Variants in BLZF1 observed in about 807,000 individuals in gnomAD.
BLZF1 encodes golgin-45.
A neutral mutation model predicts 43.8 loss-of-function variants in BLZF1; 39 were observed. That is an observed-to-expected ratio of 0.89 (90% CI 0.69 to 1.16). BLZF1 has a LOEUF of 1.16. Ranked by LOEUF, BLZF1 falls within the 50% of genes most tolerant of loss-of-function variation. The pLI is 0.00. For synonymous variants in BLZF1, 136 were observed against 159.4 expected (o/e 0.85, Z 1.11); for missense variants, 449 against 469.8 (o/e 0.96, Z 0.41).
chr1:169,381,169 A>T (rs1654516138), intron 5 of BLZF1, among the ~76,000 whole-genome samples: 1 of 151,982 alleles, frequency 6.6e-6, no homozygotes, highest in South Asian at 2.1e-4. Flanking sequence ...AAAAGAGAAG[A>T]TATACATTAC....
intron 5 of BLZF1, among the ~76,000 whole-genome samples, chr1:169,381,418 A>G (rs572049371): frequency 3.9e-4 from 59 of 152,254 alleles, no homozygotes; most frequent in African/African-American, 1.4e-3. Flanking sequence ...CAGTAAAGGA[A>G]ATTCCAGGTC....
intron 6 of BLZF1, among the ~76,000 whole-genome samples, chr1:169,386,535 C>G (rs1035393345): frequency 1.3e-5 from 2 of 151,740 alleles, no homozygotes; most frequent in African/African-American, 2.4e-5. Flanking sequence ...AAAAATGAGC[C>G]GGGCATGGTG....
intron 5 of BLZF1, 53 bp from the exon 6 acceptor site, chr1:169,382,009 T>C (rs926542311): frequency 7.5e-7 from 1 of 1,334,058 alleles, no homozygotes; most frequent in Non-Finnish European, 1.0e-6. Flanking sequence ...CTATTATTAA[T>C]TTTTACATTT....
chr1:169,387,281 C>T lies in BLZF1; in HGVS notation c.*99C>T. The T allele has an allele frequency of 1.9e-6, 2 of 1,076,632 alleles. No individual in the cohort carries two copies. Among genetic ancestry groups the T allele is most frequent in the Non-Finnish European group, 2.7e-6 (2 of 741,626 alleles). The allele number at this position is 1,076,632 out of a possible 1,614,324, so 66.7% of individuals were successfully genotyped here. On this transcript the variant is annotated 3_prime_UTR_variant, in exon 7 of 7. Coordinates refer to ENST00000367808, the MANE Select transcript of BLZF1 (RefSeq NM_001320973.2). Reference sequence around the variant, plus strand: ...TCTTACAATGCTAGAAATAATATCACTTCCTATTTACATAATGTATACACC... The same window carrying T: ...TCTTACAATGCTAGAAATAATATCATTTCCTATTTACATAATGTATACACC...
At chr1:169,382,376 G>C in intron 6 of BLZF1, 95 bp downstream of exon 6, 1 of 1,074,528 alleles carries the variant, frequency 9.3e-7, no homozygotes, top group Non-Finnish European at 1.3e-6. Context: ...TTAGGAATTA[G>C]GAAATGTGGG....
intron 6 of BLZF1, 89 bp downstream of exon 6, chr1:169,382,370 G>C: frequency 1.7e-6 from 2 of 1,184,580 alleles, no homozygotes; most frequent in Non-Finnish European, 2.4e-6. Flanking sequence ...TTGGCATTAG[G>C]AATTAGGAAA....
chr1:169,380,797 G>A (rs1457754216), intron 5 of BLZF1, among the ~76,000 whole-genome samples, 188 bp downstream of exon 5: 1 of 151,988 alleles, frequency 6.6e-6, no homozygotes, highest in Admixed American at 6.6e-5. Flanking sequence ...AAAAATAGAA[G>A]GCATGCTTTT....
At chr1:169,392,904 C>T (rs963045030), downstream of BLZF1, among the ~76,000 whole-genome samples, 3 of 152,082 alleles carry the variant, frequency 2.0e-5, no homozygotes, top group Non-Finnish European at 4.4e-5. Flanking sequence ...CATACCTTGC[C>T]CCACGAATCT....
chr1:169,391,013 G>T (rs957477392), downstream of BLZF1, among the ~76,000 whole-genome samples: 3 of 152,144 alleles, frequency 2.0e-5, no homozygotes, highest in Admixed American at 6.5e-5. Flanking sequence ...AGCAGGAATG[G>T]ACCCAATACC....
chr1:169,389,928 A>G (rs1274736096), downstream of BLZF1, among the ~76,000 whole-genome samples: 1 of 152,222 alleles, frequency 6.6e-6, no homozygotes, highest in Non-Finnish European at 1.5e-5. Context: ...AATAGTGGTT[A>G]TCAGGGACTG....
intron 7 of BLZF1, chr1:169,395,189 C>T (rs1654946469): frequency 4.3e-6 from 7 of 1,611,558 alleles, no homozygotes; most frequent in Middle Eastern, 1.7e-4. Context: ...TTTTTCCATC[C>T]GTTTCCTTCT....
downstream of BLZF1, among the ~76,000 whole-genome samples, chr1:169,388,627 T>C (rs1654738046): frequency 6.6e-6 from 1 of 152,118 alleles, no homozygotes; most frequent in Admixed American, 6.5e-5. Context: ...ATCTGATAAC[T>C]GTCTAGTGTC....
At chr1:169,378,092 C>A (rs761398279) in intron 3 of BLZF1, among the ~76,000 whole-genome samples, 21 of 151,718 alleles carry the variant, frequency 1.4e-4, no homozygotes, top group Non-Finnish European at 2.9e-4. Context: ...TTTACTCTTA[C>A]TACAAGAGGC....
downstream of BLZF1, among the ~76,000 whole-genome samples, chr1:169,391,904 A>C (rs1654825118): frequency 1.3e-5 from 2 of 152,166 alleles, no homozygotes; most frequent in African/African-American, 4.8e-5. Flanking sequence ...CCCACAATAA[A>C]ACTTGTTCAA....
intron 6 of BLZF1, among the ~76,000 whole-genome samples, chr1:169,386,584 C>T (rs1418560273): frequency 6.7e-6 from 1 of 149,112 alleles, no homozygotes; most frequent in African/African-American, 2.5e-5. Context: ...GAGGCAGAGG[C>T]AGGAGAATGG....
chr1:169,376,560 A>G lies in BLZF1; in HGVS notation c.49A>G (p.Ile17Val), dbSNP rs1347159688. 4 of 1,602,872 alleles carry G rather than the reference A, an allele frequency of 2.5e-6. No homozygotes were observed. The highest frequency in any genetic ancestry group is 1.7e-5 in the Admixed American group (1 of 57,258). ...ETKVTVTSSP[I>V]RGAGDGMETE... ...GTTAGTCACCGTTACTTCATCCCCA[A>G]TCCGAGGAGCAGGAGATGGAATGGA... The change falls in exon 3 of 7, where the codon ATC becomes GTC. Residue 17 changes from isoleucine (I) to valine (V), a missense_variant. Ile to Val is a conservative substitution (Grantham distance 29, BLOSUM62 3). Transcript: ENST00000367808.
chr1:169,380,492 A>G lies in BLZF1; in HGVS notation c.680A>G (p.Asp227Gly). The change falls in exon 5 of 7, where the codon GAT becomes GGT. Residue 227 changes from aspartate (D) to glycine (G), a missense_variant. Asp to Gly is a moderately conservative substitution (Grantham distance 94). Transcript: ENST00000367808. ...TTAATCTTTTTCAGGGTAATGGCAG[A>G]TGAGTTAACCAACTCAAGAGCAGCT... ...SKFLASRVMA[D>G]ELTNSRAALQ... 1 of 1,611,520 alleles carries G rather than the reference A, an allele frequency of 6.2e-7. No individual in the cohort carries two copies. Among genetic ancestry groups the G allele is most frequent in the Non-Finnish European group, 8.5e-7 (1 of 1,178,196 alleles).
intron 2 of BLZF1, among the ~76,000 whole-genome samples, chr1:169,375,021 G>A (rs979230449): frequency 9.2e-5 from 14 of 152,002 alleles, no homozygotes; most frequent in Middle Eastern, 3.4e-3. Context: ...AAGGCATTTC[G>A]GCCGTACAGA....
chr1:169,391,308 G>T (rs1250260899), downstream of BLZF1, among the ~76,000 whole-genome samples: 1 of 152,182 alleles, frequency 6.6e-6, no homozygotes, highest in Admixed American at 6.5e-5. Context: ...TTCTAACCCA[G>T]CATTGTAAGG....
Sources: gnomAD v4.1 joint callset for allele counts (sites outside exome capture counted in the v4.1 genomes callset) on GRCh38, gnomAD v4.1.1 for gene constraint, MANE v1.5 for transcripts, NCBI Gene and HGNC (gene_info 2026-07-23, HGNC 2026-07-21) for gene names.